Variants in TRMT2B observed in about 807,000 individuals in gnomAD.
The protein encoded by TRMT2B is tRNA methyltransferase 2B.
In TRMT2B, 34 loss-of-function variants were observed where a neutral mutation model predicts 39.7. The observed-to-expected ratio is 0.86, with a 90% CI of 0.65 to 1.14. TRMT2B has a LOEUF of 1.14. Among genes scored for constraint, TRMT2B ranks in the 50% most tolerant of loss-of-function variants. The probability of loss-of-function intolerance (pLI) is 0.00; values close to 1 mark genes in which losing one functional copy is unlikely to be tolerated. For synonymous variants in TRMT2B, 132 were observed against 137.3 expected (o/e 0.96, Z 0.27); for missense variants, 318 against 377.2 (o/e 0.84, Z 1.30).
rs35651870 is a variant in TRMT2B at position 101,022,620 on chromosome X, CAA to C, written c.757-560_757-559del. 7.5e-3 allele frequency among the ~76,000 whole-genome samples: 470 copies of C among 63,047 alleles called. 6 individuals carry two copies. The highest frequency in any genetic ancestry group is 0.024 in the African/African-American group (437 of 18,430). The allele number at this position is 63,047 out of a possible 115,157, so 54.7% of individuals were successfully genotyped here. On this transcript the variant is annotated intron_variant, in intron 8 of 13. Transcript: ENST00000372936. ...TGGGTGAAGAAGCGAGACTCTGTCT[CAA>C]AAAAAAAAAAAAAAAATCAAAAAAA...
intron 13 of TRMT2B, among the ~76,000 whole-genome samples, chrX:101,011,571 G>A (rs1260488854): frequency 9.0e-6 from 1 of 111,062 alleles, no homozygotes; most frequent in African/African-American, 3.3e-5. Context: ...AGCATAGCGA[G>A]ACTCTGTCGT....
the TRMT2B span, among the ~76,000 whole-genome samples, chrX:100,999,809 TG>T: frequency 7.1e-5 from 8 of 112,326 alleles, 1 homozygote; most frequent in Admixed American, 9.5e-5. Context: ...AAAATTCAGA[TG>T]TTTGGGCCAC....
Position 101,023,605 on chromosome X carries a change from T to C in TRMT2B, c.621A>G (p.Val207=). ...KHSQVAQYYE[V]FLRQSPLEPC... ...GCTCCAATGGAGACTGTCGAAGGAA[T>C]ACTTCATAGTACTAGGAAGAGAACC... is the stretch of plus-strand genomic sequence containing the variant. Residue 207 remains valine, a synonymous_variant, in exon 8 of 14, where the codon GTA becomes GTG. Coordinates refer to ENST00000372936, the MANE Select transcript of TRMT2B (RefSeq NM_024917.6). 1.7e-6 allele frequency: 2 copies of C among 1,204,028 alleles called. No homozygotes were observed. Among genetic ancestry groups the C allele is most frequent in the Non-Finnish European group, 2.2e-6 (2 of 890,068 alleles).
At chrX:101,050,857 C>T (rs1009601062) in intron 2 of TRMT2B, among the ~76,000 whole-genome samples, 1 of 110,254 alleles carries the variant, frequency 9.1e-6, no homozygotes, top group African/African-American at 3.3e-5. Flanking sequence ...GCCTGACCAA[C>T]AGAGTGAAAC....
chrX:100,998,580 C>T, the TRMT2B span, among the ~76,000 whole-genome samples: 1 of 108,459 alleles, frequency 9.2e-6, no homozygotes, highest in Non-Finnish European at 1.9e-5. Flanking sequence ...AAAACGACAC[C>T]CATTTCATGC....
intron 12 of TRMT2B, 78 bp downstream of exon 12, chrX:101,019,206 C>A: frequency 1.7e-6 from 2 of 1,186,777 alleles, no homozygotes; most frequent in Non-Finnish European, 2.3e-6. Context: ...ACTGGGAGCA[C>A]CCGTAGCATG....
chrX:101,000,164 A>G, the TRMT2B span, among the ~76,000 whole-genome samples: 1 of 100,030 alleles, frequency 1.0e-5, no homozygotes, highest in Non-Finnish European at 2.0e-5. Flanking sequence ...CTTGTTGCCC[A>G]GCCTGGAGTG....
the TRMT2B span, among the ~76,000 whole-genome samples, chrX:100,977,755 G>A: frequency 8.9e-6 from 1 of 112,017 alleles, no homozygotes; most frequent in Non-Finnish European, 1.9e-5. Context: ...GAGAACATAC[G>A]AAATTTATCT....
intron 13 of TRMT2B, among the ~76,000 whole-genome samples, chrX:101,011,702 G>A (rs989730198): frequency 1.8e-5 from 2 of 111,355 alleles, no homozygotes; most frequent in East Asian, 2.8e-4. Context: ...GAGACCAGCC[G>A]GGGCCACATG....
chrX:101,050,818 C>T (rs972932901), intron 2 of TRMT2B, among the ~76,000 whole-genome samples: 2 of 110,510 alleles, frequency 1.8e-5, no homozygotes, highest in Admixed American at 9.7e-5. Flanking sequence ...CCGAGGCAGC[C>T]GGATCACAAG....
At chrX:101,039,123 C>G (rs1470008878) in intron 4 of TRMT2B, among the ~76,000 whole-genome samples, 3 of 110,304 alleles carry the variant, frequency 2.7e-5, no homozygotes, top group Non-Finnish European at 5.7e-5. Context: ...GGCTGGAGTG[C>G]AGTGGCGAGA....
At chrX:100,973,387 G>A in the TRMT2B span, among the ~76,000 whole-genome samples, 1 of 100,550 alleles carries the variant, frequency 9.9e-6, no homozygotes, top group Non-Finnish European at 2.0e-5. Flanking sequence ...CTCGGGCCCC[G>A]CGGGGCCCGT....
rs770088530 is a variant in TRMT2B, at chrX:101,021,280, T to C, written c.887A>G (p.Tyr296Cys). Reference protein sequence around the residue: ...MTRCSHQQSPYQLLFGEPYIF... With the variant: ...MTRCSHQQSPCQLLFGEPYIF... ...GTAGGGTTCCCCAAACAGAAGCTGA[T>C]AGGGAGACTGCTGATGGCTGCAACG... The change falls in exon 10 of 14, where the codon TAT (tyrosine) becomes TGT (cysteine). Residue 296 changes from tyrosine to cysteine, a missense_variant. Tyr to Cys is a radical substitution (Grantham distance 194). Coordinates refer to ENST00000372936, the MANE Select transcript of TRMT2B (RefSeq NM_024917.6). 2 of 1,211,228 alleles carry C rather than the reference T, an allele frequency of 1.7e-6. No homozygotes were observed. The highest frequency in any genetic ancestry group is 2.2e-6 in the Non-Finnish European group (2 of 895,149).
intron 7 of TRMT2B, among the ~76,000 whole-genome samples, chrX:101,033,233 G>A (rs1231809169): frequency 9.6e-6 from 1 of 104,605 alleles, no homozygotes; most frequent in Non-Finnish European, 2.0e-5. Flanking sequence ...TCCAGCCTGG[G>A]CGACAAGAGC....
intron 2 of TRMT2B, among the ~76,000 whole-genome samples, chrX:101,045,434 A>ATATAGTGAGACTCAGTCT (rs2088587407): frequency 9.5e-6 from 1 of 105,639 alleles, no homozygotes; most frequent in Non-Finnish European, 1.9e-5. Flanking sequence ...AGCCTGGGCA[A>ATATAGTGAGACTCAGTCT]CAAGAAAGAA....
intron 7 of TRMT2B, among the ~76,000 whole-genome samples, chrX:101,026,169 G>A (rs1046768803): frequency 1.2e-4 from 13 of 110,951 alleles, no homozygotes; most frequent in Non-Finnish European, 2.1e-4. Context: ...CTTTTTGGAA[G>A]CAAGATTCAA....
At chrX:100,986,234 C>T in the TRMT2B span, among the ~76,000 whole-genome samples, 1 of 112,139 alleles carries the variant, frequency 8.9e-6, no homozygotes, top group Non-Finnish European at 1.9e-5. Context: ...TGCTTATCAT[C>T]TTTTCTGGTT....
the TRMT2B span, among the ~76,000 whole-genome samples, chrX:100,981,266 C>T: frequency 8.9e-6 from 1 of 112,082 alleles, no homozygotes; most frequent in African/African-American, 3.2e-5. Flanking sequence ...TGGACAATTT[C>T]CCTCTGGCTA....
intron 2 of TRMT2B, among the ~76,000 whole-genome samples, chrX:101,043,018 G>T (rs752553249): frequency 1.2e-4 from 13 of 112,049 alleles, no homozygotes; most frequent in Admixed American, 1.9e-4. Context: ...TGTAATCCTA[G>T]CAGTTAGGGA....
Sources: gnomAD v4.1 joint callset for allele counts (sites outside exome capture counted in the v4.1 genomes callset) on GRCh38, gnomAD v4.1.1 for gene constraint, MANE v1.5 for transcripts, NCBI Gene and HGNC (gene_info 2026-07-23, HGNC 2026-07-21) for gene names.